The following REXO1 variants were observed in gnomAD, a reference collection of about 807,000 sequenced individuals.
The protein encoded by REXO1 is REX1, RNA exonuclease 1 homolog.
A neutral mutation model predicts 102.6 loss-of-function variants in REXO1; 42 were observed. The observed-to-expected ratio is 0.41, with a 90% CI of 0.32 to 0.53. REXO1 has a LOEUF of 0.53. Among genes scored for constraint, REXO1 ranks in the 20% least tolerant of loss-of-function variants. The pLI, the probability that REXO1 is intolerant of heterozygous loss-of-function variation, is 0.27. For missense variants in REXO1, 1,819 were observed against 1,732.5 expected, an observed-to-expected ratio of 1.05 and a Z score of -0.89; for synonymous variants, 908 against 779.1, an observed-to-expected ratio of 1.17 and a Z score of -2.76.
At position 1,828,424 on chromosome 19, in the gene REXO1, G is replaced by T. The variant is rs776575892; in HGVS notation, c.365C>A (p.Ala122Asp). ...LLETTREHRSAEAPALAPRGP... is the reference protein window; with the variant it reads ...LLETTREHRSDEAPALAPRGP... ...GCGGGGCGCCAGGGCGGGGGCCTCGGCGGAGCGGTGCTCACGGGTCGTCTC... is the reference window on the plus strand; with the variant it reads ...GCGGGGCGCCAGGGCGGGGGCCTCGTCGGAGCGGTGCTCACGGGTCGTCTC... Residue 122 changes from alanine to aspartate, a missense_variant, in exon 2 of 16, where the codon GCC (alanine) becomes GAC (aspartate). Transcript: ENST00000170168. The T allele has an allele frequency of 5.0e-6, 8 of 1,608,502 alleles. No homozygotes were observed. The highest frequency in any genetic ancestry group is 6.8e-6 in the Non-Finnish European group (8 of 1,178,330).
At chr19:1,842,498 A>C (rs1305769754) in intron 1 of REXO1, among the ~76,000 whole-genome samples, 2 of 152,264 alleles carry the variant, frequency 1.3e-5, no homozygotes, top group Non-Finnish European at 2.9e-5. Context: ...ACCTAAGCAA[A>C]GAATCCTAAA....
Position 1,816,043 on chromosome 19 carries a change from G to A in REXO1, c.*23C>T, listed in dbSNP as rs759256753. The A allele has an allele frequency of 1.3e-6, 2 of 1,540,294 alleles. No individual in the cohort carries two copies. The highest frequency in any genetic ancestry group is 2.4e-5 in the South Asian group (2 of 84,116). On this transcript the variant is annotated 3_prime_UTR_variant, in exon 16 of 16. Transcript: ENST00000170168. ...TAAGGACCAGCGGGACGGCAGGAGA[G>A]GCGGGTGGGAGGCGGGCAGGCGTCA...
In REXO1 at chr19:1,815,860, AG is replaced by A. The variant is rs915229920; in HGVS notation, c.*205del. 3.0e-6 allele frequency: 4 copies of A among 1,331,962 alleles called. No individual in the cohort carries two copies. The Admixed American group carries it at 1.1e-4, about 37-fold the overall frequency. The allele number at this position is 1,331,962 out of a possible 1,614,324, so 82.5% of individuals were successfully genotyped here. A position where few individuals can be genotyped will look rare whatever the true frequency, so the allele number is the denominator to read the frequency against. On this transcript the variant is annotated 3_prime_UTR_variant, in exon 16 of 16. Coordinates refer to ENST00000170168, the MANE Select transcript of REXO1 (RefSeq NM_020695.4). The surrounding 1 kb of genome is among the most constrained non-coding windows in gnomAD (Gnocchi z 4.0). ...GAGACGCCAGAGGGCTGGGGGGCAG[AG>A]GGTGGGGACCGGCGGAGGGGTGCGG...
intron 1 of REXO1, among the ~76,000 whole-genome samples, chr19:1,832,076 G>C (rs776686995): frequency 2.0e-5 from 3 of 152,100 alleles, no homozygotes; most frequent in Non-Finnish European, 4.4e-5. Flanking sequence ...CATTATCCGG[G>C]AACCCAGTGT....
chr19:1,845,183 G>T lies in REXO1; in HGVS notation c.157+3019C>A, dbSNP rs534740821. Among the ~76,000 whole-genome samples, 3 of 152,318 alleles carry T rather than the reference G, an allele frequency of 2.0e-5. No homozygotes were observed. In the East Asian group the frequency reaches 5.8e-4, roughly 29 times the overall value. The stretch of plus-strand genomic sequence containing the variant: ...TCACCTACCACCAGGCTGCAGCCAA[G>T]GCCCAGGCAGCAGAGAGCGGCCACT... On this transcript the variant is annotated intron_variant, in intron 1 of 15. Coordinates refer to ENST00000170168, the MANE Select transcript of REXO1 (RefSeq NM_020695.4).
chr19:1,833,879 G>C (rs531828050), intron 1 of REXO1, among the ~76,000 whole-genome samples: 4 of 152,352 alleles, frequency 2.6e-5, no homozygotes, highest in Admixed American at 6.5e-5. Flanking sequence ...AATTACTGAG[G>C]AGGAGCAAGG....
chr19:1,820,101 G>A (rs1230005497), intron 6 of REXO1, 44 bp from the exon 7 acceptor site: 2 of 1,582,650 alleles, frequency 1.3e-6, no homozygotes, highest in East Asian at 2.2e-5. Context: ...CCTGCCTGGT[G>A]CCGGGGAGCC....
intron 5 of REXO1, 71 bp from the exon 6 acceptor site, chr19:1,820,466 T>G: frequency 1.6e-5 from 25 of 1,572,318 alleles, no homozygotes; most frequent in Non-Finnish European, 2.2e-5. Flanking sequence ...GCAGACGCGA[T>G]GAGGCCGTGC....
Position 1,827,438 on chromosome 19 carries a change from G to T in REXO1, c.1351C>A (p.Pro451Thr). 6.4e-7 allele frequency: 1 copy of T among 1,556,454 alleles called. No individual in the cohort carries two copies. Among genetic ancestry groups the T allele is most frequent in the Non-Finnish European group, 8.6e-7 (1 of 1,161,684 alleles). The change falls in exon 2 of 16, where the codon CCT becomes ACT. Residue 451 changes from proline (P) to threonine (T), a missense_variant. Pro to Thr is a conservative substitution (Grantham distance 38). Coordinates refer to ENST00000170168, the MANE Select transcript of REXO1 (RefSeq NM_020695.4). ...CTCGGCCGCCGCGCTGGCCGGTCAG[G>T]CCTCCCTTTCCCTGAGGTGGCCACA... ...TPVATSGKGR[P>T]DRPARRPSPT...
intron 1 of REXO1, among the ~76,000 whole-genome samples, chr19:1,831,711 G>C (rs1259812620): frequency 6.6e-6 from 1 of 151,586 alleles, no homozygotes; most frequent in African/African-American, 2.4e-5. Flanking sequence ...CAGCCGTGGT[G>C]ACCCATGCCT....
At chr19:1,829,148 G>A (rs895201961) in intron 1 of REXO1, among the ~76,000 whole-genome samples, 4 of 152,218 alleles carry the variant, frequency 2.6e-5, no homozygotes, top group Admixed American at 6.5e-5. Flanking sequence ...GTGTGCCAGC[G>A]GTGGTGTGGT....
At chr19:1,819,877 C>A in intron 7 of REXO1, 57 bp downstream of exon 7, 1 of 1,493,918 alleles carries the variant, frequency 6.7e-7, no homozygotes. Context: ...GGGTCCCAGC[C>A]CAGCTGCCAC....
At chr19:1,833,058 CA>C (rs544363333) in intron 1 of REXO1, among the ~76,000 whole-genome samples, 17 of 151,866 alleles carry the variant, frequency 1.1e-4, no homozygotes. Context: ...CCCGTCTCTA[CA>C]AAAAAATACA....
rs529155634 is a variant in REXO1 at position 1,828,342 on chromosome 19, G to A, written c.447C>T (p.Phe149=). The stretch of plus-strand genomic sequence containing the variant: ...GGCCGTGGCTGCCGGGGCTGTAGTC[G>A]AAGGCCAGTGGGAAGGCATCCTCGT... ...GPDEDAFPLA[F]DYSPGSHGLL... Residue 149 remains phenylalanine, a synonymous_variant, in exon 2 of 16, where the codon TTC becomes TTT. Coordinates refer to ENST00000170168, the MANE Select transcript of REXO1 (RefSeq NM_020695.4). The A allele has an allele frequency of 3.7e-5, 60 of 1,609,980 alleles. No individual in the cohort carries two copies. In the Admixed American group the frequency reaches 5.2e-4, roughly 14 times the overall value.
At chr19:1,841,428 C>T (rs974048452) in intron 1 of REXO1, among the ~76,000 whole-genome samples, 7 of 152,164 alleles carry the variant, frequency 4.6e-5, no homozygotes, top group Non-Finnish European at 1.5e-5. Context: ...AAAGTGAGGC[C>T]TGCTACAGCA....
chr19:1,820,222 A>T (rs2069491563), intron 6 of REXO1, 42 bp downstream of exon 6: 1 of 1,592,518 alleles, frequency 6.3e-7, no homozygotes, highest in Non-Finnish European at 8.6e-7. Flanking sequence ...CTGGACCCCT[A>T]GTCCCCACCC....
In REXO1 at chr19:1,828,501, C is replaced by T; in HGVS notation, c.288G>A (p.Glu96=). ...CCAGCTCCACCTCACTGCGCACGGC[C>T]TCGATGGCCTGGTTGACCAGCTCCA... ...LELELVNQAI[E]AVRSEVELEQ... is the part of the protein sequence containing the mutation. The change falls in exon 2 of 16, where the codon GAG becomes GAA. Residue 96 remains glutamate (E), a synonymous_variant. Coordinates refer to ENST00000170168, the MANE Select transcript of REXO1 (RefSeq NM_020695.4). The T allele has an allele frequency of 6.2e-7, 1 of 1,605,056 alleles. No homozygotes were observed. Among genetic ancestry groups the T allele is most frequent in the Non-Finnish European group, 8.5e-7 (1 of 1,179,812 alleles).
Position 1,841,279 on chromosome 19 carries a change from G to A in REXO1, c.157+6923C>T, listed in dbSNP as rs1417316392. Among the ~76,000 whole-genome samples, 4 of 152,216 alleles carry A rather than the reference G, an allele frequency of 2.6e-5. No individual in the cohort carries two copies. In the South Asian group the frequency reaches 6.2e-4, roughly 24 times the overall value. On this transcript the variant is annotated intron_variant, in intron 1 of 15. Transcript: ENST00000170168. The stretch of plus-strand genomic sequence containing the variant: ...CATACCAACAGAATCTACCCACTGC[G>A]CGGACAGCGTAAGGAACAAGCCACG...
At position 1,815,897 on chromosome 19, in the gene REXO1, G is replaced by C; in HGVS notation, c.*169C>G. 1.3e-6 allele frequency: 2 copies of C among 1,532,272 alleles called. No homozygotes were observed. The highest frequency in any genetic ancestry group is 2.4e-5 in the South Asian group (2 of 83,228). The allele number at this position is 1,532,272 out of a possible 1,614,324, so 94.9% of individuals were successfully genotyped here. ...GGCGGAGGGGTGCGGCAGGACGTGA[G>C]CGGGGGTGGGCTGGGCTGGGCGTTC... On this transcript the variant is annotated 3_prime_UTR_variant, in exon 16 of 16. Coordinates refer to ENST00000170168, the MANE Select transcript of REXO1 (RefSeq NM_020695.4). The surrounding 1 kb of genome is among the most constrained non-coding windows in gnomAD (Gnocchi z 4.0).
Sources: gnomAD v4.1 joint callset for allele counts (sites outside exome capture counted in the v4.1 genomes callset) on GRCh38, gnomAD v4.1.1 for gene constraint, Gnocchi (gnomAD v3.1) non-coding constraint, MANE v1.5 for transcripts, NCBI Gene and HGNC (gene_info 2026-07-23, HGNC 2026-07-21) for gene names.